The following COL5A2 variants were observed in gnomAD, a reference collection of about 807,000 sequenced individuals.
The protein encoded by COL5A2 is collagen alpha-2(V) chain.
In COL5A2, 23 loss-of-function variants were observed where a neutral mutation model predicts 208.2. That is an observed-to-expected ratio of 0.11 (90% CI 0.08 to 0.16). The LOEUF is 0.16. COL5A2 is among the 10% of genes least tolerant of loss of function. COL5A2 has a pLI of 1.00. For synonymous variants in COL5A2, 625 were observed against 628.5 expected, an observed-to-expected ratio of 0.99 and a Z score of 0.08; for missense variants, 1,590 against 1,956.4, an observed-to-expected ratio of 0.81 and a Z score of 3.53.
chr2:189,282,547 T>G, the COL5A2 span, among the ~76,000 whole-genome samples: 5 of 152,170 alleles, frequency 3.3e-5, no homozygotes, highest in Admixed American at 6.5e-5. Context: ...ATAATAAAAC[T>G]GATCAGAGTA....
At chr2:189,372,126 C>T in the COL5A2 span, among the ~76,000 whole-genome samples, 11 of 152,334 alleles carry the variant, frequency 7.2e-5, no homozygotes, top group East Asian at 2.1e-3. Context: ...GCCCCACATA[C>T]AGCTCAAGCC....
intron 1 of COL5A2, among the ~76,000 whole-genome samples, chr2:189,143,434 T>G (rs1311322729): frequency 6.6e-6 from 1 of 152,180 alleles, no homozygotes; most frequent in Non-Finnish European, 1.5e-5. Flanking sequence ...AAAGGCCTAC[T>G]CTAACCCTGT....
chr2:189,073,694 GATATCA>G (rs1259336443), intron 17 of COL5A2, among the ~76,000 whole-genome samples: 2 of 152,054 alleles, frequency 1.3e-5, no homozygotes, highest in Non-Finnish European at 2.9e-5. Flanking sequence ...ATTTATTCTA[GATATCA>G]TTACATCTTC....
the COL5A2 span, among the ~76,000 whole-genome samples, chr2:189,364,414 C>T: frequency 9.2e-5 from 14 of 152,266 alleles, no homozygotes; most frequent in East Asian, 3.9e-4. Context: ...AGGTTGGGCC[C>T]GGTGGCTCAC....
chr2:189,194,825 C>T (rs546348660), intron 1 of COL5A2, among the ~76,000 whole-genome samples: 25 of 152,210 alleles, frequency 1.6e-4, no homozygotes, highest in African/African-American at 4.8e-4. Flanking sequence ...TGAATTCTGA[C>T]GAAGGCCTTT....
At chr2:189,383,265 T>C in the COL5A2 span, among the ~76,000 whole-genome samples, 1 of 152,192 alleles carries the variant, frequency 6.6e-6, no homozygotes, top group Admixed American at 6.5e-5. Flanking sequence ...CTGAGGCCTC[T>C]GTCTTTGGCT....
chr2:189,366,020 T>C, the COL5A2 span, among the ~76,000 whole-genome samples: 1 of 152,202 alleles, frequency 6.6e-6, no homozygotes, highest in Admixed American at 6.5e-5. Context: ...GCCTACACTT[T>C]CCTTCTCCTC....
the COL5A2 span, among the ~76,000 whole-genome samples, chr2:189,418,095 G>T: frequency 1.3e-5 from 2 of 151,824 alleles, no homozygotes; most frequent in Non-Finnish European, 2.9e-5. Context: ...AGATTATGAA[G>T]TATATGACTG....
At chr2:189,410,505 G>C in the COL5A2 span, among the ~76,000 whole-genome samples, 3 of 152,174 alleles carry the variant, frequency 2.0e-5, no homozygotes, top group African/African-American at 7.2e-5. Flanking sequence ...GTTCGAGGCT[G>C]CAATGAGCTA....
chr2:189,148,028 T>C (rs1250575243), intron 1 of COL5A2, among the ~76,000 whole-genome samples: 3 of 152,170 alleles, frequency 2.0e-5, no homozygotes, highest in Non-Finnish European at 4.4e-5. Context: ...AGCGCCATGA[T>C]GCTCTTAGTA....
the COL5A2 span, among the ~76,000 whole-genome samples, chr2:189,352,568 G>A: frequency 2.0e-5 from 3 of 152,040 alleles, no homozygotes; most frequent in South Asian, 2.1e-4. Flanking sequence ...GCTTTTTTTC[G>A]TATGTTTGTT....
the COL5A2 span, among the ~76,000 whole-genome samples, chr2:189,430,735 T>C: frequency 6.6e-6 from 1 of 152,226 alleles, no homozygotes; most frequent in African/African-American, 2.4e-5. Context: ...ACTGCCTCTA[T>C]AGACTCCACT....
At chr2:189,287,850 G>A in the COL5A2 span, among the ~76,000 whole-genome samples, 1 of 152,220 alleles carries the variant, frequency 6.6e-6, no homozygotes, top group Middle Eastern at 3.4e-3. Context: ...AAATTAAGCA[G>A]AAAATCCACT....
the COL5A2 span, among the ~76,000 whole-genome samples, chr2:189,440,383 C>T: frequency 6.6e-6 from 1 of 152,166 alleles, no homozygotes; most frequent in African/African-American, 2.4e-5. Flanking sequence ...CTAGGCTGTA[C>T]GTTATAGCTG....
rs559838236 is a variant in COL5A2 at position 189,187,854 on chromosome 2, A to T, written c.-42+37294T>A. On this transcript the variant is annotated intron_variant, in intron 1 of 10. Coordinates refer to the COL5A2 transcript ENST00000649966. ...CGTGGTGGTGGGCGCCTGTAGTCCCAGCTACTCAGGAGGCCGAGGCAGGAG... is the reference window on the plus strand; with the variant it reads ...CGTGGTGGTGGGCGCCTGTAGTCCCTGCTACTCAGGAGGCCGAGGCAGGAG... 1.6e-3 allele frequency among the ~76,000 whole-genome samples: 245 copies of T among 152,108 alleles called. 1 individual carries two copies. The highest frequency in any genetic ancestry group is 5.5e-3 in the Admixed American group (84 of 15,282).
chr2:189,033,055 A>G lies in COL5A2; in HGVS notation c.*1015T>C. On this transcript the variant is annotated 3_prime_UTR_variant, in exon 54 of 54. Coordinates refer to ENST00000374866, the MANE Select transcript of COL5A2 (RefSeq NM_000393.5). ...GAAATGTTGGGTCATTTTTCCTATG[A>G]AAGTTCAAAGGCCAAATGGTCTAAT... The G allele has an allele frequency of 6.5e-6, 1 of 152,694 alleles. No individual in the cohort carries two copies. The highest frequency in any genetic ancestry group is 1.9e-4 in the East Asian group (1 of 5,180). The allele number at this position is 152,694 out of a possible 1,614,324, so 9.5% of individuals were successfully genotyped here. A position where few individuals can be genotyped will look rare whatever the true frequency, so the allele number is the denominator to read the frequency against.
chr2:189,191,573 A>AGAGATTGCAGGGAGCC (rs1171259221), intron 1 of COL5A2, among the ~76,000 whole-genome samples: 16 of 152,180 alleles, frequency 1.1e-4, no homozygotes, highest in Admixed American at 2.6e-4. Flanking sequence ...CCTGGGAGGC[A>AGAGATTGCAGGGAGCC]GAGATTGCAG....
intron 52 of COL5A2, among the ~76,000 whole-genome samples, chr2:189,036,311 T>G (rs1308696484): frequency 2.0e-5 from 3 of 152,098 alleles, no homozygotes; most frequent in Non-Finnish European, 1.5e-5. Flanking sequence ...CTATAGTTTA[T>G]CACTTCTGGT....
chr2:189,287,798 C>T, the COL5A2 span, among the ~76,000 whole-genome samples: 1 of 152,062 alleles, frequency 6.6e-6, no homozygotes, highest in African/African-American at 2.4e-5. Flanking sequence ...ATATAAAATC[C>T]TGACTTCTTT....
Sources: allele counts gnomAD v4.1 joint callset (sites outside exome capture counted in the v4.1 genomes callset), GRCh38; gene constraint gnomAD v4.1.1; transcripts MANE v1.5; gene names NCBI Gene and HGNC (gene_info 2026-07-23, HGNC 2026-07-21).